Variants in COLEC10 observed in about 807,000 individuals in gnomAD.
COLEC10 encodes the protein collectin subfamily member 10.
Under a neutral mutation model 28.4 loss-of-function variants are expected in COLEC10, and 22 were observed. The observed-to-expected ratio is 0.78, with a 90% CI of 0.55 to 1.11. COLEC10 has a LOEUF of 1.11. Ranked by LOEUF, COLEC10 falls within the 50% of genes least tolerant of loss-of-function variation. The pLI, the probability that COLEC10 is intolerant of heterozygous loss-of-function variation, is 0.00. For synonymous variants in COLEC10, 125 were observed against 116.1 expected (o/e 1.08, Z -0.49); for missense variants, 361 against 344.1 (o/e 1.05, Z -0.39).
the COLEC10 span, among the ~76,000 whole-genome samples, chr8:118,987,297 C>T: frequency 6.6e-6 from 1 of 152,174 alleles, no homozygotes; most frequent in Non-Finnish European, 1.5e-5. Flanking sequence ...GGTGCAGTGG[C>T]TCACACCTGT....
intron 3 of COLEC10, among the ~76,000 whole-genome samples, chr8:119,098,893 T>C (rs980134513): frequency 6.6e-6 from 1 of 152,100 alleles, no homozygotes; most frequent in Admixed American, 6.6e-5. Context: ...CTTTGAAATT[T>C]ATTGTCCTCA....
chr8:119,032,521 G>C (rs1244621368), intron 2 of COLEC10, among the ~76,000 whole-genome samples: 1 of 152,186 alleles, frequency 6.6e-6, no homozygotes, highest in East Asian at 1.9e-4. Context: ...CTCAGCCTAA[G>C]GAGTTGTTTA....
In COLEC10 at chr8:119,108,370, G is replaced by A. The variant is rs1406538635; in HGVS notation, c.*2179G>A. ...GGATCCATGTTCTGATTTGTTCTAA[G>A]CCCCCAAAGTATGAGTATTTATTGT... On this transcript the variant is annotated 3_prime_UTR_variant, in exon 6 of 6. Coordinates refer to ENST00000332843, the MANE Select transcript of COLEC10 (RefSeq NM_006438.5). Among the ~76,000 whole-genome samples, 2 of 152,136 alleles carry A rather than the reference G, an allele frequency of 1.3e-5. No individual in the cohort carries two copies. The highest frequency in any genetic ancestry group is 4.8e-5 in the African/African-American group (2 of 41,422).
At chr8:118,988,266 G>C in the COLEC10 span, among the ~76,000 whole-genome samples, 2 of 152,096 alleles carry the variant, frequency 1.3e-5, no homozygotes, top group African/African-American at 4.8e-5. Flanking sequence ...ATCTGGGAAA[G>C]ATCCCCTTAG....
At chr8:119,021,385 A>C (rs1394423028) in intron 2 of COLEC10, among the ~76,000 whole-genome samples, 1 of 152,192 alleles carries the variant, frequency 6.6e-6, no homozygotes, top group Non-Finnish European at 1.5e-5. Context: ...GACTCCCTGC[A>C]GATGAACTAC....
chr8:118,956,233 G>A, the COLEC10 span, among the ~76,000 whole-genome samples: 2 of 152,150 alleles, frequency 1.3e-5, no homozygotes, highest in African/African-American at 4.8e-5. Flanking sequence ...TTTCCTAATA[G>A]CATCACCTTG....
chr8:118,992,844 T>G (rs922328478), upstream of COLEC10, among the ~76,000 whole-genome samples: 3 of 152,164 alleles, frequency 2.0e-5, no homozygotes, highest in East Asian at 1.9e-4. Context: ...AAGCTTTCAG[T>G]GTGTAAAATG....
intron 2 of COLEC10, among the ~76,000 whole-genome samples, chr8:119,030,421 TG>T (rs1323193074): frequency 1.1e-4 from 16 of 152,112 alleles, no homozygotes; most frequent in Non-Finnish European, 2.4e-4. Context: ...CTCAGCACTG[TG>T]GGAGACTGAG....
the COLEC10 span, among the ~76,000 whole-genome samples, chr8:118,974,901 G>T: frequency 9.3e-4 from 141 of 152,120 alleles, no homozygotes; most frequent in African/African-American, 2.5e-3. Context: ...TTTATGGTTT[G>T]TTGCTGGGGG....
chr8:118,968,674 G>T, the COLEC10 span, among the ~76,000 whole-genome samples: 2 of 151,810 alleles, frequency 1.3e-5, no homozygotes, highest in Admixed American at 1.3e-4. Context: ...TGCAGAACGT[G>T]CAGGTTTGTT....
chr8:119,021,748 TA>T (rs1814101453), intron 2 of COLEC10, among the ~76,000 whole-genome samples: 2 of 152,162 alleles, frequency 1.3e-5, no homozygotes, highest in Admixed American at 1.3e-4. Context: ...GCCCTCGTAG[TA>T]AAAAGATGAC....
chr8:119,068,745 A>G (rs1455409914), intron 1 of COLEC10: 1 of 152,058 alleles, frequency 6.6e-6, no homozygotes, highest in Non-Finnish European at 1.5e-5. Flanking sequence ...TGCAGACATT[A>G]TGAGATAATT....
chr8:118,978,295 C>T, the COLEC10 span, among the ~76,000 whole-genome samples: 1 of 152,068 alleles, frequency 6.6e-6, no homozygotes, highest in African/African-American at 2.4e-5. Context: ...CACATTTCCT[C>T]AACCACTGAA....
At chr8:119,097,321 T>C (rs1441562194) in intron 3 of COLEC10, among the ~76,000 whole-genome samples, 1 of 152,058 alleles carries the variant, frequency 6.6e-6, no homozygotes, top group Non-Finnish European at 1.5e-5. Flanking sequence ...GAAAGAGTAT[T>C]ATCTGACTAC....
chr8:118,957,692 A>T, the COLEC10 span, among the ~76,000 whole-genome samples: 2 of 152,188 alleles, frequency 1.3e-5, no homozygotes, highest in Admixed American at 6.5e-5. Context: ...AGCAGGAGGA[A>T]CACTGGGTCA....
At chr8:119,058,446 C>G (rs540994828) in intron 2 of COLEC10, among the ~76,000 whole-genome samples, 1 of 152,042 alleles carries the variant, frequency 6.6e-6, no homozygotes, top group South Asian at 2.1e-4. Context: ...CCCCAGGCAA[C>G]CACACATCTG....
the COLEC10 span, among the ~76,000 whole-genome samples, chr8:118,974,344 TAAG>T: frequency 2.0e-5 from 3 of 151,896 alleles, no homozygotes; most frequent in African/African-American, 7.2e-5. Flanking sequence ...TGTAAGCACT[TAAG>T]AAGTAGAAAA....
At chr8:119,088,555 C>T (rs1815528235) in intron 1 of COLEC10, among the ~76,000 whole-genome samples, 1 of 152,212 alleles carries the variant, frequency 6.6e-6, no homozygotes, top group South Asian at 2.1e-4. Context: ...CAAACTGTCT[C>T]ATCCCAAGAA....
chr8:119,069,453 A>C (rs1299569742), intron 1 of COLEC10, among the ~76,000 whole-genome samples: 1 of 150,554 alleles, frequency 6.6e-6, no homozygotes, highest in East Asian at 2.0e-4. Flanking sequence ...ATAATTTTTT[A>C]AAAATTAGCC....
Sources: gnomAD v4.1 joint callset for allele counts (sites outside exome capture counted in the v4.1 genomes callset) on GRCh38, gnomAD v4.1.1 for gene constraint, MANE v1.5 for transcripts, NCBI Gene and HGNC (gene_info 2026-07-23, HGNC 2026-07-21) for gene names.